TOGARAM2: variants seen among roughly 807,000 people sequenced by gnomAD.
TOGARAM2 encodes TOG array regulator of axonemal microtubules 2.
TOGARAM2 carries 85 observed loss-of-function variants against 93.3 expected under a neutral mutation model. That is an observed-to-expected ratio of 0.91 (90% CI 0.76 to 1.09). The LOEUF is 1.09. Ranked by LOEUF, TOGARAM2 falls within the 50% of genes least tolerant of loss-of-function variation. TOGARAM2 has a pLI of 0.00. For synonymous variants in TOGARAM2, 593 were observed against 552.8 expected (o/e 1.07, Z -1.02); for missense variants, 1,277 against 1,334.5 (o/e 0.96, Z 0.67).
chr2:29,004,916 G>A (rs534968381), intron 6 of TOGARAM2, among the ~76,000 whole-genome samples: 1 of 16,376 alleles, frequency 6.1e-5, no homozygotes, highest in East Asian at 1.4e-3. Flanking sequence ...GTGTGTGCAT[G>A]TGTACGTGTG....
At position 29,006,094 on chromosome 2, in the gene TOGARAM2, G is replaced by GT. The variant is rs1558424415; in HGVS notation, c.830+2412_830+2413insT. On this transcript the variant is annotated intron_variant, in intron 6 of 19. Coordinates refer to ENST00000379558, the MANE Select transcript of TOGARAM2 (RefSeq NM_199280.4). Reference sequence around the variant, plus strand: ...GTGTGAGAGCACGTGTGTGTGTGTGGGGTGCATGTGTGTGGAGTGCATATG... The same window carrying GT: ...GTGTGAGAGCACGTGTGTGTGTGTGGTGGTGCATGTGTGTGGAGTGCATATG... Among the ~76,000 whole-genome samples, 131 of 101,358 alleles carry GT rather than the reference G, an allele frequency of 1.3e-3. 1 individual carries two copies. The highest frequency in any genetic ancestry group is 3.3e-3 in the African/African-American group (109 of 33,100). The allele number at this position is 101,358 out of a possible 152,430, so 66.5% of individuals were successfully genotyped here.
intron 19 of TOGARAM2, chr2:29,049,793 A>G (rs1666964152): frequency 1.3e-5 from 2 of 152,144 alleles, no homozygotes; most frequent in East Asian, 1.9e-4. Context: ...CTGCCCTTCC[A>G]GTTATCAGGA....
rs12623297 is a variant in TOGARAM2 at position 29,003,646 on chromosome 2, A to G, written c.794A>G (p.Gln265Arg). Residue 265 changes from glutamine to arginine, a missense_variant, in exon 6 of 20, where the codon CAG becomes CGG. Coordinates refer to ENST00000379558, the MANE Select transcript of TOGARAM2 (RefSeq NM_199280.4). Reference sequence around the variant, plus strand: ...CTTCCCAGCCCGTTACCTCCAGGCCAGGGAGTCCTCACAGGCCTGAGGGCC... The same window carrying G: ...CTTCCCAGCCCGTTACCTCCAGGCCGGGGAGTCCTCACAGGCCTGAGGGCC... Reference protein sequence around the residue: ...GSLPSPLPPGQGVLTGLRAPR... With the variant: ...GSLPSPLPPGRGVLTGLRAPR... The G allele has an allele frequency of 0.84, 1,328,318 of 1,586,558 alleles. 558,913 individuals are homozygous for G. Among genetic ancestry groups the G allele is most frequent in the Middle Eastern group, 0.86 (5,149 of 5,978 alleles).
chr2:28,976,085 T>A (rs1672024541), intron 1 of TOGARAM2, among the ~76,000 whole-genome samples: 1 of 152,230 alleles, frequency 6.6e-6, no homozygotes, highest in Admixed American at 6.5e-5. Flanking sequence ...CATATCAAAT[T>A]CTGGGCCAGG....
chr2:29,033,190 G>A, intron 15 of TOGARAM2, 139 bp downstream of exon 15: 1 of 731,824 alleles, frequency 1.4e-6, no homozygotes, highest in Non-Finnish European at 2.3e-6. Context: ...CCTGATAGGT[G>A]AGATAGATGT....
chr2:29,010,743 T>A (rs1378999052), intron 6 of TOGARAM2, among the ~76,000 whole-genome samples: 1 of 152,038 alleles, frequency 6.6e-6, no homozygotes, highest in East Asian at 1.9e-4. Flanking sequence ...GGGAGTGTCA[T>A]GTCTTATTGA....
intron 1 of TOGARAM2, among the ~76,000 whole-genome samples, chr2:28,986,350 C>T (rs1027464321): frequency 3.9e-5 from 6 of 152,070 alleles, no homozygotes; most frequent in African/African-American, 7.3e-5. Context: ...TTAAATGCTG[C>T]GGCCCATCCA....
chr2:29,019,380 G>A (rs914822998), intron 10 of TOGARAM2, among the ~76,000 whole-genome samples: 1 of 152,020 alleles, frequency 6.6e-6, no homozygotes, highest in Non-Finnish European at 1.5e-5. Flanking sequence ...ATATTGGCCA[G>A]GCTGGTCTCG....
intron 6 of TOGARAM2, 118 bp from the exon 7 acceptor site, chr2:29,011,337 C>T (rs553609460): frequency 8.7e-5 from 69 of 788,774 alleles, no homozygotes; most frequent in South Asian, 3.2e-5. Context: ...ATAACAGTGC[C>T]GTCCCCTCTG....
At chr2:28,998,673 G>A (rs867630796) in intron 3 of TOGARAM2, among the ~76,000 whole-genome samples, 1 of 152,200 alleles carries the variant, frequency 6.6e-6, no homozygotes, top group Non-Finnish European at 1.5e-5. Flanking sequence ...CCCAGGTGAA[G>A]AGCACCACTT....
chr2:28,996,019 A>G (rs1672972492), intron 2 of TOGARAM2, among the ~76,000 whole-genome samples: 1 of 152,256 alleles, frequency 6.6e-6, no homozygotes, highest in Admixed American at 6.5e-5. Context: ...GCTGCAGGGC[A>G]GGAACAGAGA....
rs956933092 is a variant in TOGARAM2 at position 28,956,767 on chromosome 2, T to C, written c.-147+70T>C. On this transcript the variant is annotated intron_variant, in intron 1 of 6. Transcript: ENST00000401723. The surrounding 1 kb of genome is among the most constrained non-coding windows in gnomAD (Gnocchi z 4.5). ...TTAAATTTCAATAGATTCCGTCAAA[T>C]TGCCTCTCAGTATGGCTGTAACAAT... 6.6e-6 allele frequency: 1 copy of C among 152,238 alleles called. No individual in the cohort carries two copies. Among genetic ancestry groups the C allele is most frequent in the African/African-American group, 2.4e-5 (1 of 41,468 alleles). The allele number at this position is 152,238 out of a possible 1,614,324, so 9.4% of individuals were successfully genotyped here. A position where few individuals can be genotyped will look rare whatever the true frequency, so the allele number is the denominator to read the frequency against.
rs1239631276 is a variant in TOGARAM2, at chr2:29,017,799, T to A, written c.1203T>A (p.Leu401=). ...SQRAFMKEGL[L]PLRGSGTLSV... ...CTTTCTCTGTGTCCACAGGCCTCCT[T>A]CCCCTCCGGGGCAGCGGGACACTGT... The change falls in exon 10 of 20, where the codon CTT becomes CTA. Residue 401 remains leucine (L), a synonymous_variant. Transcript: ENST00000379558. The A allele has an allele frequency of 1.9e-6, 3 of 1,608,300 alleles. No homozygotes were observed. The highest frequency in any genetic ancestry group is 2.5e-6 in the Non-Finnish European group (3 of 1,176,772).
At chr2:29,050,373 CAAAAA>C (rs1666995771) in intron 19 of TOGARAM2, 1 of 152,116 alleles carries the variant, frequency 6.6e-6, no homozygotes, top group Non-Finnish European at 1.5e-5. Context: ...ATAAATAAAA[CAAAAA>C]ATAAAGCTCC....
chr2:28,996,919 A>G (rs1235407067), intron 2 of TOGARAM2, among the ~76,000 whole-genome samples: 1 of 150,560 alleles, frequency 6.6e-6, no homozygotes, highest in African/African-American at 2.4e-5. Context: ...CCCATTGTGT[A>G]TATGTGCCAC....
At chr2:29,010,298 T>C (rs1664159483) in intron 6 of TOGARAM2, among the ~76,000 whole-genome samples, 1 of 152,066 alleles carries the variant, frequency 6.6e-6, no homozygotes, top group Admixed American at 6.5e-5. Context: ...GGCAAAGGCC[T>C]AGTGGGCGAG....
chr2:28,977,551 T>C (rs9309666), upstream of TOGARAM2, among the ~76,000 whole-genome samples: 143,907 of 152,228 alleles, frequency 0.95, 68,378 homozygotes, highest in Non-Finnish European at 1. Context: ...GAAGAAGCGG[T>C]GAATGTTGCA....
chr2:29,025,994 C>A (rs1273529119), intron 13 of TOGARAM2, among the ~76,000 whole-genome samples: 1 of 152,116 alleles, frequency 6.6e-6, no homozygotes, highest in Non-Finnish European at 1.5e-5. Context: ...AGGCAACCAG[C>A]CAGCCCCGAG....
In TOGARAM2 at chr2:29,006,690, G is replaced by T. The variant is rs144058405; in HGVS notation, c.830+3008G>T. Among the ~76,000 whole-genome samples the T allele has an allele frequency of 8.3e-4, 126 of 152,132 alleles. 1 individual carries two copies. In the East Asian group the frequency reaches 0.019, roughly 23 times the overall value. On this transcript the variant is annotated intron_variant, in intron 6 of 19. Coordinates refer to ENST00000379558, the MANE Select transcript of TOGARAM2 (RefSeq NM_199280.4). ...CACACACATATTCATGTCTTTCTCC[G>T]ACCCTGTGGGTTATAGAGACCCGTC...
Sources: allele counts gnomAD v4.1 joint callset (sites outside exome capture counted in the v4.1 genomes callset), GRCh38; gene constraint gnomAD v4.1.1; non-coding constraint Gnocchi (gnomAD v3.1); transcripts MANE v1.5; gene names NCBI Gene and HGNC (gene_info 2026-07-23, HGNC 2026-07-21).